Variants in PICALM observed in about 807,000 individuals in gnomAD.
The protein encoded by PICALM is phosphatidylinositol-binding clathrin assembly protein.
Under a neutral mutation model 80.5 loss-of-function variants are expected in PICALM, and 40 were observed. That is an observed-to-expected ratio of 0.50 (90% confidence interval 0.39 to 0.65). The LOEUF (loss-of-function observed/expected upper bound fraction) is 0.65, where lower values mean the gene tolerates loss of function less well. Ranked by LOEUF, PICALM falls within the 30% of genes least tolerant of loss-of-function variation. The pLI, the probability that PICALM is intolerant of heterozygous loss-of-function variation, is 0.00. For synonymous variants in PICALM, 288 were observed against 260.3 expected (o/e 1.11, Z -1.02); for missense variants, 676 against 778.9 (o/e 0.87, Z 1.57).
At chr11:86,063,984 G>C (rs2096407412) in intron 1 of PICALM, among the ~76,000 whole-genome samples, 1 of 151,958 alleles carries the variant, frequency 6.6e-6, no homozygotes, top group South Asian at 2.1e-4. Context: ...TCACATCCTA[G>C]TTACCAGATC....
intron 1 of PICALM, among the ~76,000 whole-genome samples, chr11:86,043,839 A>C (rs1202531173): frequency 6.6e-6 from 1 of 152,184 alleles, no homozygotes. Context: ...CTTCTCTTAA[A>C]AATTTTTAAA....
In PICALM at chr11:86,001,095, C is replaced by T. The variant is rs529210305; in HGVS notation, c.957G>A (p.Val319=). ...ATGCTGCCTGCTTTTCCCTTTCATC[C>T]ACTTTGGTCAGAGATAGACCAGTGC... ...LASTGLSLTK[V]DEREKQAALE... Residue 319 remains valine (V), a synonymous_variant, in exon 10 of 20, where the codon GTG becomes GTA. Coordinates refer to ENST00000393346, the MANE Select transcript of PICALM (RefSeq NM_007166.4). 6.2e-7 allele frequency: 1 copy of T among 1,614,104 alleles called. No individual in the cohort carries two copies. Among genetic ancestry groups the T allele is most frequent in the East Asian group, 2.2e-5 (1 of 44,882 alleles).
intron 1 of PICALM, among the ~76,000 whole-genome samples, chr11:86,042,747 G>A (rs1164948590): frequency 1.3e-5 from 2 of 151,466 alleles, no homozygotes; most frequent in Admixed American, 1.3e-4. Flanking sequence ...ACAATACATT[G>A]AGAATACTAC....
chr11:86,044,295 C>T (rs143158404), intron 1 of PICALM, among the ~76,000 whole-genome samples: 161 of 152,238 alleles, frequency 1.1e-3, no homozygotes, highest in African/African-American at 3.7e-3. Context: ...TAGTGTGTCA[C>T]CAGTGGCCTG....
At chr11:86,002,159 T>C (rs1205956922) in intron 9 of PICALM, among the ~76,000 whole-genome samples, 1 of 152,238 alleles carries the variant, frequency 6.6e-6, no homozygotes, top group Non-Finnish European at 1.5e-5. Flanking sequence ...GGCTCTTTTT[T>C]TCGTTATTCT....
intron 1 of PICALM, among the ~76,000 whole-genome samples, chr11:86,061,162 C>G (rs2096356351): frequency 6.6e-6 from 1 of 151,770 alleles, no homozygotes; most frequent in Non-Finnish European, 1.5e-5. Context: ...AACGCCATCT[C>G]TACTAAAAAT....
At chr11:86,043,422 A>T (rs2096010001) in intron 1 of PICALM, among the ~76,000 whole-genome samples, 1 of 152,200 alleles carries the variant, frequency 6.6e-6, no homozygotes, top group Non-Finnish European at 1.5e-5. Flanking sequence ...TTCTCAGAAA[A>T]ATCAATCTAA....
At chr11:85,960,307 GA>G (rs1414682673) in intron 19 of PICALM, among the ~76,000 whole-genome samples, 1 of 152,166 alleles carries the variant, frequency 6.6e-6, no homozygotes, top group Non-Finnish European at 1.5e-5. Context: ...AGAGCATCAA[GA>G]AGAACAAATT....
intron 12 of PICALM, among the ~76,000 whole-genome samples, chr11:85,994,549 G>C (rs1394137263): frequency 6.6e-6 from 1 of 152,032 alleles, no homozygotes; most frequent in Non-Finnish European, 1.5e-5. Flanking sequence ...GCCAATAAAA[G>C]AACAGTACAA....
chr11:85,970,212 A>C (rs2094054308), intron 19 of PICALM, among the ~76,000 whole-genome samples: 1 of 152,216 alleles, frequency 6.6e-6, no homozygotes, highest in Non-Finnish European at 1.5e-5. Context: ...AGGTAGTCAC[A>C]AGGTCTGTAA....
At position 85,958,485 on chromosome 11, in the gene PICALM, T is replaced by C; in HGVS notation, c.*561A>G. On this transcript the variant is annotated 3_prime_UTR_variant, in exon 20 of 20. Coordinates refer to ENST00000393346, the MANE Select transcript of PICALM (RefSeq NM_007166.4). ...GATACAATATTAATGTTATGTAAAATTGATAATCATAAATAAATACAAATA... is the reference window on the plus strand; with the variant it reads ...GATACAATATTAATGTTATGTAAAACTGATAATCATAAATAAATACAAATA... 4.8e-6 allele frequency: 1 copy of C among 209,172 alleles called. No individual in the cohort carries two copies. Among genetic ancestry groups the C allele is most frequent in the Non-Finnish European group, 9.7e-6 (1 of 102,658 alleles). 13.0% of individuals were successfully genotyped at this position (209,172 alleles called of 1,614,324 possible). A position where few individuals can be genotyped will look rare whatever the true frequency, so the allele number is the denominator to read the frequency against.
At chr11:85,975,509 G>T (rs1297451010) in intron 18 of PICALM, among the ~76,000 whole-genome samples, 1 of 150,644 alleles carries the variant, frequency 6.6e-6, no homozygotes, top group Non-Finnish European at 1.5e-5. Flanking sequence ...TTCCTTTCAA[G>T]AAGTTCTATT....
At chr11:85,992,387 C>G (rs763061057) in intron 12 of PICALM, among the ~76,000 whole-genome samples, 1 of 151,618 alleles carries the variant, frequency 6.6e-6, no homozygotes, top group Non-Finnish European at 1.5e-5. Context: ...TGGGTTCAAG[C>G]AATTCTCCTG....
intron 4 of PICALM, among the ~76,000 whole-genome samples, chr11:86,017,655 C>T (rs2095501835): frequency 1.3e-5 from 2 of 152,160 alleles, no homozygotes; most frequent in South Asian, 2.1e-4. Context: ...CCACAGCATA[C>T]TAGTATGGTA....
intron 13 of PICALM, among the ~76,000 whole-genome samples, chr11:85,985,980 G>A (rs2094559814): frequency 6.6e-6 from 1 of 152,058 alleles, no homozygotes; most frequent in Non-Finnish European, 1.5e-5. Context: ...TGTAAAAAGA[G>A]GAGCCATCTC....
intron 13 of PICALM, among the ~76,000 whole-genome samples, 177 bp from the exon 14 acceptor site, chr11:85,984,150 A>G (rs2094516859): frequency 6.6e-6 from 1 of 152,092 alleles, no homozygotes; most frequent in African/African-American, 2.4e-5. Context: ...CGTTTTCCCT[A>G]ACAAAATCAT....
At position 86,068,916 on chromosome 11, in the gene PICALM, G is replaced by T; in HGVS notation, c.-136C>A. The T allele has an allele frequency of 8.1e-7, 1 of 1,229,884 alleles. No individual in the cohort carries two copies. The highest frequency in any genetic ancestry group is 1.1e-6 in the Non-Finnish European group (1 of 913,822). 76.2% of individuals were successfully genotyped at this position (1,229,884 alleles called of 1,614,324 possible). ...TCCCCGCCTGCCGGCCTGGGGCGCG[G>T]TTCGGGGCCGCGCGCTGCCACCAGT... On this transcript the variant is annotated 5_prime_UTR_variant, in exon 1 of 20. Transcript: ENST00000393346.
chr11:85,979,326 C>T (rs888185717), intron 17 of PICALM, among the ~76,000 whole-genome samples: 4 of 151,870 alleles, frequency 2.6e-5, no homozygotes, highest in African/African-American at 9.7e-5. Context: ...CCAGTCTCTA[C>T]TAAAAATTTA....
At chr11:86,048,134 A>T (rs2096109776) in intron 1 of PICALM, among the ~76,000 whole-genome samples, 1 of 152,212 alleles carries the variant, frequency 6.6e-6, no homozygotes, top group East Asian at 1.9e-4. Flanking sequence ...CCTGATGCGA[A>T]GCAATGGTTC....
Sources: gnomAD v4.1 joint callset for allele counts (sites outside exome capture counted in the v4.1 genomes callset) on GRCh38, gnomAD v4.1.1 for gene constraint, MANE v1.5 for transcripts, NCBI Gene and HGNC (gene_info 2026-07-23, HGNC 2026-07-21) for gene names.